The following POLR3A variants were observed in gnomAD, a reference collection of about 807,000 sequenced individuals.
POLR3A encodes DNA-directed RNA polymerase III subunit RPC1.
Under a neutral mutation model 152.8 loss-of-function variants are expected in POLR3A, and 112 were observed. The ratio of observed to expected loss-of-function variants is 0.73; its 90% confidence interval spans 0.63 to 0.86. The LOEUF (loss-of-function observed/expected upper bound fraction) is 0.86. POLR3A is among the 40% of genes least tolerant of loss of function. The probability of loss-of-function intolerance (pLI) is 0.00; values close to 1 mark genes in which losing one functional copy is unlikely to be tolerated. For missense variants in POLR3A, 1,385 were observed against 1,743.1 expected (o/e 0.79, Z 3.66); for synonymous variants, 615 against 652.1 (o/e 0.94, Z 0.87).
Position 78,025,089 on chromosome 10 carries a change from C to T in POLR3A, c.372G>A (p.Gln124=). Residue 124 remains glutamine, a synonymous_variant, in exon 4 of 31, where the codon CAG becomes CAA. Coordinates refer to ENST00000372371, the MANE Select transcript of POLR3A (RefSeq NM_007055.4). Reference sequence around the variant, plus strand: ...CGGGCCTCTTTAGATAGTCCAGAAACTGCTTCTTCTCCTCTTGGGACAGCA... The same window carrying T: ...CGGGCCTCTTTAGATAGTCCAGAAATTGCTTCTTCTCCTCTTGGGACAGCA... The part of the protein sequence containing the change: ...HIMLSQEEKK[Q]FLDYLKRPGL... 1 of 1,614,208 alleles carries T rather than the reference C, an allele frequency of 6.2e-7. No homozygotes were observed. The highest frequency in any genetic ancestry group is 8.5e-7 in the Non-Finnish European group (1 of 1,180,028).
chr10:77,980,091 T>C, intron 30 of POLR3A, 50 bp downstream of exon 30: 1 of 1,568,284 alleles, frequency 6.4e-7, no homozygotes, highest in Non-Finnish European at 8.8e-7. Context: ...CATGGTCTAT[T>C]TGTAAATAGT....
At chr10:77,995,755 G>T (rs562199160) in intron 19 of POLR3A, among the ~76,000 whole-genome samples, 1 of 152,236 alleles carries the variant, frequency 6.6e-6, no homozygotes, top group East Asian at 1.9e-4. Flanking sequence ...AGAACAACGA[G>T]ACAGAAAGTT....
intron 16 of POLR3A, among the ~76,000 whole-genome samples, chr10:78,004,169 C>A (rs904300134): frequency 1.3e-5 from 2 of 151,512 alleles, no homozygotes; most frequent in African/African-American, 4.9e-5. Context: ...GGGAGTCAGA[C>A]GTTGCAGTGA....
rs140169511 is a variant in POLR3A at position 77,991,325 on chromosome 10, A to G, written c.2788-158T>C. Among the ~76,000 whole-genome samples the G allele has an allele frequency of 7.6e-4, 116 of 152,304 alleles. 1 individual carries two copies. In the East Asian group the frequency reaches 0.015, roughly 20 times the overall value. ...AAACAAATTGTGGACTCTACCTTTC[A>G]TGTGAAGGTGAAAACTGGATAAATG... On this transcript the variant is annotated intron_variant, in intron 20 of 30. Transcript: ENST00000372371.
At chr10:77,998,669 G>A (rs529164924) in intron 19 of POLR3A, among the ~76,000 whole-genome samples, 3 of 152,336 alleles carry the variant, frequency 2.0e-5, no homozygotes, top group East Asian at 1.9e-4. Context: ...TGGAGAGGAT[G>A]TGGAGAAATA....
At chr10:77,985,060 A>G in intron 24 of POLR3A, 110 bp downstream of exon 24, 2 of 1,003,966 alleles carry the variant, frequency 2.0e-6, no homozygotes, top group East Asian at 4.9e-5. Context: ...CCCAGAGTTT[A>G]AGACACAGTC....
At position 77,977,526 on chromosome 10, in the gene POLR3A, C is replaced by A. The variant is rs759686921; in HGVS notation, c.4125G>T (p.Arg1375Ser). The A allele has an allele frequency of 3.1e-6, 5 of 1,614,060 alleles. No individual in the cohort carries two copies. Among genetic ancestry groups the A allele is most frequent in the Non-Finnish European group, 2.5e-6 (3 of 1,179,968 alleles). ...KADRDPNPPK[R>S]PLIFDTNEFH... ...ATTCATTTGTGTCGAAGATCAGGGG[C>A]CTCTTGGGAGGGTTCGGGTCCCTGT... The change falls in exon 31 of 31, where the codon AGG becomes AGT. Residue 1375 changes from arginine to serine, a missense_variant. Around this residue, in one of 7 missense-constraint regions of POLR3A, gnomAD observed 332 missense variants for 400.1 expected, o/e 0.83. Coordinates refer to ENST00000372371, the MANE Select transcript of POLR3A (RefSeq NM_007055.4).
At chr10:77,994,341 A>T (rs2818827) in intron 19 of POLR3A, among the ~76,000 whole-genome samples, 1 of 151,878 alleles carries the variant, frequency 6.6e-6, no homozygotes, top group Non-Finnish European at 1.5e-5. Context: ...TGGCCCACTC[A>T]TTCACATCTC....
intron 19 of POLR3A, among the ~76,000 whole-genome samples, chr10:77,997,830 G>C (rs1435967340): frequency 6.6e-6 from 1 of 151,654 alleles, no homozygotes; most frequent in African/African-American, 2.4e-5. Context: ...AACCAAAAAA[G>C]AGCCCACATC....
Position 77,986,604 on chromosome 10 carries a change from G to A in POLR3A, c.2902-445C>T, listed in dbSNP as rs115917663. Among the ~76,000 whole-genome samples, 701 of 152,300 alleles carry A rather than the reference G, an allele frequency of 4.6e-3. 7 individuals are homozygous for A. Among genetic ancestry groups the A allele is most frequent in the African/African-American group, 0.016 (647 of 41,560 alleles). ...CTCAGTTTAAATACTACCAACTAAAGCATAGCTTTGTTGACAGTAAATGCA... is the reference window on the plus strand; with the variant it reads ...CTCAGTTTAAATACTACCAACTAAAACATAGCTTTGTTGACAGTAAATGCA... On this transcript the variant is annotated intron_variant, in intron 21 of 30. Transcript: ENST00000372371.
rs763368507 is a variant in POLR3A, at chr10:78,025,641, G to C, written c.299C>G (p.Ala100Gly). 1.2e-6 allele frequency: 2 copies of C among 1,614,102 alleles called. No individual in the cohort carries two copies. Among genetic ancestry groups the C allele is most frequent in the Non-Finnish European group, 1.7e-6 (2 of 1,179,998 alleles). Residue 100 changes from alanine to glycine, a missense_variant, in exon 3 of 31, where the codon GCA becomes GGA. This residue lies in a region of POLR3A where 493 missense variants were observed against 647.5 expected (regional missense o/e 0.76). Coordinates refer to ENST00000372371, the MANE Select transcript of POLR3A (RefSeq NM_007055.4). Reference protein sequence around the residue: ...LPCFHVGYFRAVIGILQMICK... With the variant: ...LPCFHVGYFRGVIGILQMICK... ...GCTTACCTGTAAGATGCCTATGACT[G>C]CTCTGAAGTACCCTACATGAAAACA... is the stretch of plus-strand genomic sequence containing the variant.
At chr10:77,999,940 G>T in intron 19 of POLR3A, 41 bp downstream of exon 19, 1 of 1,592,704 alleles carries the variant, frequency 6.3e-7, no homozygotes, top group Non-Finnish European at 8.6e-7. Context: ...ACAGAGCTCT[G>T]TCCTGCTCTG....
In POLR3A at chr10:77,985,238, C is replaced by T; in HGVS notation, c.3174G>A (p.Val1058=). The change falls in exon 24 of 31, where the codon GTG becomes GTA. Residue 1058 remains valine (V), a synonymous_variant. Coordinates refer to ENST00000372371, the MANE Select transcript of POLR3A (RefSeq NM_007055.4). ...CGCCCAGGGTGATGTTCATGGAGGC[C>T]ACACCTGCAAAGTGGAAAGTCTTCA... The part of the protein sequence containing the change: ...MTLKTFHFAG[V]ASMNITLGVP... The T allele has an allele frequency of 3.1e-6, 5 of 1,614,068 alleles. No homozygotes were observed. The highest frequency in any genetic ancestry group is 4.5e-5 in the East Asian group (2 of 44,878).
In POLR3A at chr10:77,991,256, C is replaced by T. The variant is rs1589306478; in HGVS notation, c.2788-89G>A. On this transcript the variant is annotated intron_variant, in intron 20 of 30. Coordinates refer to ENST00000372371, the MANE Select transcript of POLR3A (RefSeq NM_007055.4). ...AGAGAACTTACAAAGGATAAAATGA[C>T]CTTACCCAAGGTGAGCTTTTAGCAA... 7.6e-6 allele frequency: 6 copies of T among 787,636 alleles called. No homozygotes were observed. In the East Asian group the frequency reaches 1.5e-4, roughly 20 times the overall value. The allele number at this position is 787,636 out of a possible 1,614,324, so 48.8% of individuals were successfully genotyped here.
chr10:78,026,959 C>A (rs1589320153), intron 1 of POLR3A, among the ~76,000 whole-genome samples: 1 of 152,176 alleles, frequency 6.6e-6, no homozygotes, highest in South Asian at 2.1e-4. Context: ...TCCTATGTGC[C>A]AGGCACCATC....
At position 78,023,119 on chromosome 10, in the gene POLR3A, T is replaced by C. The variant is rs139445507; in HGVS notation, c.646-735A>G. Among the ~76,000 whole-genome samples, 178 of 148,396 alleles carry C rather than the reference T, an allele frequency of 1.2e-3. 1 individual carries two copies. Among genetic ancestry groups the C allele is most frequent in the African/African-American group, 4.1e-3 (165 of 39,982 alleles). On this transcript the variant is annotated intron_variant, in intron 5 of 30. Coordinates refer to ENST00000372371, the MANE Select transcript of POLR3A (RefSeq NM_007055.4). The stretch of plus-strand genomic sequence containing the variant: ...GTTGCCGTGAGCCGATATCATGCCA[T>C]TGCACTCCAGCCTAAGCAGTAAGAG...
In POLR3A at chr10:77,981,606, A is replaced by G. The variant is rs79345120; in HGVS notation, c.3760-47T>C. 5,924 of 1,609,162 alleles carry G rather than the reference A, an allele frequency of 3.7e-3. 170 individuals are homozygous for G. In the African/African-American group the frequency reaches 0.065, roughly 18 times the overall value. ...CAGAAGCAGCCCCTTCCGGGAGGCC[A>G]CTGCAAATTCTCTCCACTTTCTCCT... On this transcript the variant is annotated intron_variant, in intron 28 of 30. Coordinates refer to ENST00000372371, the MANE Select transcript of POLR3A (RefSeq NM_007055.4).
chr10:77,994,224 G>A (rs1284692612), intron 19 of POLR3A, among the ~76,000 whole-genome samples: 5 of 152,128 alleles, frequency 3.3e-5, no homozygotes, highest in Non-Finnish European at 5.9e-5. Flanking sequence ...CAAAAAAGAC[G>A]ATTAAAGGTA....
At chr10:77,998,306 A>T (rs1490843711) in intron 19 of POLR3A, among the ~76,000 whole-genome samples, 2 of 152,132 alleles carry the variant, frequency 1.3e-5, no homozygotes, top group Admixed American at 1.3e-4. Flanking sequence ...GACAAATGGG[A>T]TCTAATTAAA....
Sources: allele counts gnomAD v4.1 joint callset (sites outside exome capture counted in the v4.1 genomes callset), GRCh38; gene constraint gnomAD v4.1.1; regional missense constraint gnomAD v4.1.1; transcripts MANE v1.5; gene names NCBI Gene and HGNC (gene_info 2026-07-23, HGNC 2026-07-21).